Variants in LEPR observed in about 807,000 individuals in gnomAD.
LEPR encodes OB receptor.
A neutral mutation model predicts 114.7 loss-of-function variants in LEPR; 56 were observed. That is an observed-to-expected ratio of 0.49 (90% confidence interval 0.39 to 0.61). The LOEUF (loss-of-function observed/expected upper bound fraction) is 0.61, where lower values mean the gene tolerates loss of function less well. LEPR is among the 20% of genes least tolerant of loss of function. The pLI is 0.00. For synonymous variants in LEPR, 443 were observed against 461.4 expected, an observed-to-expected ratio of 0.96 and a Z score of 0.51; for missense variants, 1,202 against 1,352.9, an observed-to-expected ratio of 0.89 and a Z score of 1.75.
chr1:65,554,587 C>T (rs999840782), intron 2 of LEPR, among the ~76,000 whole-genome samples: 1 of 152,044 alleles, frequency 6.6e-6, no homozygotes, highest in Admixed American at 6.6e-5. Flanking sequence ...TGTCCCAGGT[C>T]GATTTCTGCT....
chr1:65,594,532 A>T (rs750364070), intron 6 of LEPR, among the ~76,000 whole-genome samples: 5 of 152,062 alleles, frequency 3.3e-5, no homozygotes, highest in Non-Finnish European at 5.9e-5. Context: ...CATCTAGGTG[A>T]ACAGAGACAC....
At chr1:65,431,858 C>T in intron 2 of LEPR, 1 of 1,614,114 alleles carries the variant, frequency 6.2e-7, no homozygotes, top group Admixed American at 1.7e-5. Context: ...ATTTTCCTTA[C>T]AATTCAAGGG....
intron 2 of LEPR, among the ~76,000 whole-genome samples, chr1:65,438,317 C>G (rs1004209038): frequency 6.6e-6 from 1 of 151,486 alleles, no homozygotes; most frequent in Non-Finnish European, 1.5e-5. Flanking sequence ...TTTGGGAGGC[C>G]GAGGTGGGCA....
chr1:65,477,980 A>G (rs1647177366), intron 2 of LEPR, among the ~76,000 whole-genome samples: 1 of 152,226 alleles, frequency 6.6e-6, no homozygotes, highest in Non-Finnish European at 1.5e-5. Flanking sequence ...AACCAAATAA[A>G]TGGAAGGCTT....
chr1:65,440,987 C>T (rs758272842), intron 2 of LEPR, among the ~76,000 whole-genome samples: 10 of 152,060 alleles, frequency 6.6e-5, no homozygotes, highest in Non-Finnish European at 1.3e-4. Context: ...GCTGAAGCAA[C>T]GAGAGTGAAT....
intron 2 of LEPR, among the ~76,000 whole-genome samples, chr1:65,497,317 C>T (rs1265806770): frequency 1.3e-5 from 2 of 152,012 alleles, no homozygotes; most frequent in African/African-American, 4.8e-5. Flanking sequence ...TTATAATATC[C>T]ATTCTTTGGT....
intron 2 of LEPR, among the ~76,000 whole-genome samples, chr1:65,429,086 A>G (rs1459093236): frequency 6.6e-6 from 1 of 152,226 alleles, no homozygotes; most frequent in African/African-American, 2.4e-5. Context: ...CTAATCTATC[A>G]GATGGGAATA....
chr1:65,453,760 G>A (rs1446951480), intron 2 of LEPR, among the ~76,000 whole-genome samples: 1 of 152,180 alleles, frequency 6.6e-6, no homozygotes, highest in East Asian at 1.9e-4. Flanking sequence ...ATATTCTGTT[G>A]ATTTGGGGTG....
chr1:65,601,108 G>T (rs1290979055), intron 8 of LEPR, among the ~76,000 whole-genome samples: 1 of 151,922 alleles, frequency 6.6e-6, no homozygotes, highest in Non-Finnish European at 1.5e-5. Flanking sequence ...CAGTTAGCAA[G>T]TGACAATTAC....
At chr1:65,434,937 TCTC>T in intron 2 of LEPR, 1 of 985,460 alleles carries the variant, frequency 1.0e-6, no homozygotes, top group Non-Finnish European at 1.2e-6. Flanking sequence ...GTGATTATCT[TCTC>T]CACATCTGAA....
chr1:65,546,359 C>T (rs1008143516), intron 2 of LEPR, among the ~76,000 whole-genome samples: 3 of 152,188 alleles, frequency 2.0e-5, no homozygotes, highest in Admixed American at 6.5e-5. Flanking sequence ...TCATTGGCAG[C>T]TTGATGCGGA....
intron 2 of LEPR, among the ~76,000 whole-genome samples, chr1:65,509,926 G>A (rs749803331): frequency 1.1e-4 from 16 of 152,086 alleles, no homozygotes; most frequent in South Asian, 2.1e-4. Flanking sequence ...ACAAGCTGTC[G>A]TCCACATGGC....
intron 2 of LEPR, among the ~76,000 whole-genome samples, chr1:65,528,571 TATATAA>T (rs1440995577): frequency 2.0e-5 from 3 of 152,014 alleles, no homozygotes; most frequent in African/African-American, 7.2e-5. Context: ...CTACAAATCT[TATATAA>T]ATATAAATAA....
At chr1:65,463,414 T>C (rs946287257) in intron 2 of LEPR, among the ~76,000 whole-genome samples, 2 of 152,214 alleles carry the variant, frequency 1.3e-5, no homozygotes, top group African/African-American at 2.4e-5. Context: ...CATGCTGTTT[T>C]GGTTAGTGTA....
chr1:65,526,074 G>A (rs1367025323), intron 2 of LEPR: 1 of 974,780 alleles, frequency 1.0e-6, no homozygotes, highest in Admixed American at 6.2e-5. Context: ...GCTGACAGCA[G>A]CCGGCAGCGC....
At chr1:65,445,407 T>C (rs953330781) in intron 2 of LEPR, among the ~76,000 whole-genome samples, 1 of 152,236 alleles carries the variant, frequency 6.6e-6, no homozygotes, top group African/African-American at 2.4e-5. Flanking sequence ...TGGGGCAAAG[T>C]TGCTGGTAAG....
intron 19 of LEPR, chr1:65,629,245 A>T (rs1938499): frequency 0.13 from 34,512 of 262,290 alleles, 2,504 homozygotes; most frequent in Middle Eastern, 0.21. Context: ...TTTTTTTTTT[A>T]AATAAAAACA....
At chr1:65,604,968 A>G in intron 10 of LEPR, 70 bp from the exon 11 acceptor site, 4 of 1,580,966 alleles carry the variant, frequency 2.5e-6, no homozygotes, top group Non-Finnish European at 3.4e-6. Flanking sequence ...ACAACAAATC[A>G]GAATTCTCAG....
At chr1:65,603,936 T>G (rs1479383893) in intron 10 of LEPR, among the ~76,000 whole-genome samples, 1 of 152,122 alleles carries the variant, frequency 6.6e-6, no homozygotes, top group Non-Finnish European at 1.5e-5. Context: ...AAATTGGTAT[T>G]ATATTAACTT....
Sources: gnomAD v4.1 joint callset for allele counts (sites outside exome capture counted in the v4.1 genomes callset) on GRCh38, gnomAD v4.1.1 for gene constraint, MANE v1.5 for transcripts, NCBI Gene and HGNC (gene_info 2026-07-23, HGNC 2026-07-21) for gene names.